PITPNM2: variants seen among roughly 807,000 people sequenced by gnomAD.
PITPNM2 encodes the protein membrane-associated phosphatidylinositol transfer protein 2.
PITPNM2 carries 35 observed loss-of-function variants against 132.2 expected under a neutral mutation model. That is an observed-to-expected ratio of 0.26 (90% CI 0.20 to 0.35). The LOEUF is 0.35. Ranked by LOEUF, PITPNM2 falls within the 10% of genes least tolerant of loss-of-function variation. PITPNM2 has a pLI of 1.00. For synonymous variants in PITPNM2, 738 were observed against 799.2 expected (o/e 0.92, Z 1.29); for missense variants, 1,332 against 1,912.0 (o/e 0.70, Z 5.66).
chr12:122,992,111 A>AT lies in PITPNM2; in HGVS notation c.2404+387dup, dbSNP rs2038215992. On this transcript the variant is annotated intron_variant, in intron 16 of 25. Coordinates refer to ENST00000320201, the MANE Select transcript of PITPNM2 (RefSeq NM_020845.3). This position sits in a 1 kb window ranked among gnomAD's most constrained non-coding sequence, Gnocchi z 6.5. ...CCTATCTCGGGGCCAGCCGCCTGCC[A>AT]TGATGGGACCCAGCCGACCCAGGCC... Among the ~76,000 whole-genome samples the AT allele has an allele frequency of 6.6e-6, 1 of 151,890 alleles. No homozygotes were observed. Among genetic ancestry groups the AT allele is most frequent in the Non-Finnish European group, 1.5e-5 (1 of 67,958 alleles).
chr12:123,098,403 C>T (rs181247173), intron 2 of PITPNM2, among the ~76,000 whole-genome samples: 1 of 152,168 alleles, frequency 6.6e-6, no homozygotes, highest in East Asian at 1.9e-4. Flanking sequence ...GGCAGCAGTA[C>T]GAGATAAGAA....
chr12:123,011,486 G>A (rs1386262274), intron 5 of PITPNM2, among the ~76,000 whole-genome samples: 1 of 152,236 alleles, frequency 6.6e-6, no homozygotes, highest in East Asian at 1.9e-4. Context: ...CCTGCTATGG[G>A]AAGAGCTATG....
chr12:123,035,641 G>C (rs1184128005), intron 2 of PITPNM2, among the ~76,000 whole-genome samples: 1 of 151,818 alleles, frequency 6.6e-6, no homozygotes, highest in Non-Finnish European at 1.5e-5. Flanking sequence ...ACTCCAGCCT[G>C]GGGGACAAGA....
At chr12:123,013,798 G>A (rs1204375590) in intron 4 of PITPNM2, 30 bp downstream of exon 4, 5 of 1,602,468 alleles carry the variant, frequency 3.1e-6, no homozygotes, top group South Asian at 2.2e-5. Flanking sequence ...TGTGGAGGTG[G>A]GAGGCACATG....
rs1211338303 is a variant in PITPNM2, at chr12:123,034,610, C to T, written c.-20G>A. On this transcript the variant is annotated 5_prime_UTR_variant, in exon 3 of 26. Coordinates refer to ENST00000320201, the MANE Select transcript of PITPNM2 (RefSeq NM_020845.3). ...AATCATCTTGGAGTCCAAGCCTTCC[C>T]GTCGATGGGGAACTGCAAGTTGGGA... 3.7e-6 allele frequency: 6 copies of T among 1,611,264 alleles called. No individual in the cohort carries two copies. Among genetic ancestry groups the T allele is most frequent in the East Asian group, 4.5e-5 (2 of 44,880 alleles).
At chr12:123,024,190 A>G (rs1341768392) in intron 3 of PITPNM2, among the ~76,000 whole-genome samples, 1 of 152,260 alleles carries the variant, frequency 6.6e-6, no homozygotes, top group Non-Finnish European at 1.5e-5. Flanking sequence ...GCTCAACATC[A>G]TTTGTCATTA....
At chr12:123,075,309 T>G (rs1391650962) in intron 2 of PITPNM2, among the ~76,000 whole-genome samples, 1 of 152,226 alleles carries the variant, frequency 6.6e-6, no homozygotes, top group Non-Finnish European at 1.5e-5. Context: ...ACAGACTTTT[T>G]CAAAGCTAGG....
intron 1 of PITPNM2, among the ~76,000 whole-genome samples, chr12:123,110,696 C>A (rs1392841990): frequency 1.3e-5 from 2 of 152,108 alleles, no homozygotes; most frequent in African/African-American, 4.8e-5. Context: ...ACAGATACAC[C>A]CCAACATTGC....
chr12:123,030,530 A>G (rs947379103), intron 3 of PITPNM2, among the ~76,000 whole-genome samples: 2 of 152,088 alleles, frequency 1.3e-5, no homozygotes, highest in Non-Finnish European at 2.9e-5. Context: ...CGTCTCTACT[A>G]AAAATACAAA....
Position 123,117,734 on chromosome 12 carries a change from A to G in PITPNM2, c.-199-7246T>C, listed in dbSNP as rs1444512723. ...CCCTGCTCTGCTCTCTGTGCCCTTC[A>G]TGGATTTGTTCATTCATTGTTCAAT... On this transcript the variant is annotated intron_variant, in intron 1 of 25. Coordinates refer to ENST00000320201, the MANE Select transcript of PITPNM2 (RefSeq NM_020845.3). This position sits in a 1 kb window ranked among gnomAD's most constrained non-coding sequence, Gnocchi z 4.7. Among the ~76,000 whole-genome samples, 1 of 152,154 alleles carries G rather than the reference A, an allele frequency of 6.6e-6. No individual in the cohort carries two copies. Among genetic ancestry groups the G allele is most frequent in the Non-Finnish European group, 1.5e-5 (1 of 68,020 alleles).
chr12:123,068,194 A>ACGGCCGGGCACGGCCGGGTG (rs141138502), intron 2 of PITPNM2, among the ~76,000 whole-genome samples: 2 of 151,630 alleles, frequency 1.3e-5, no homozygotes, highest in Non-Finnish European at 2.9e-5. Context: ...ACGGCCGGGC[A>ACGGCCGGGCACGGCCGGGTG]CGGTGGCTCA....
At position 123,099,262 on chromosome 12, in the gene PITPNM2, T is replaced by A. The variant is rs992627910; in HGVS notation, c.-96+11123A>T. 1.3e-5 allele frequency among the ~76,000 whole-genome samples: 2 copies of A among 152,116 alleles called. No homozygotes were observed. Among genetic ancestry groups the A allele is most frequent in the Admixed American group, 1.3e-4 (2 of 15,268 alleles). ...AAAAAAAAATATATATCTTTTTTTTTAAAGAATGAAACCTCATACCAGGAC... is the reference window on the plus strand; with the variant it reads ...AAAAAAAAATATATATCTTTTTTTTAAAAGAATGAAACCTCATACCAGGAC... On this transcript the variant is annotated intron_variant, in intron 2 of 25. Transcript: ENST00000320201. This position sits in a 1 kb window ranked among gnomAD's most constrained non-coding sequence, Gnocchi z 4.2.
intron 1 of PITPNM2, among the ~76,000 whole-genome samples, chr12:123,149,446 C>A (rs1365274273): frequency 2.0e-5 from 3 of 152,144 alleles, no homozygotes; most frequent in Non-Finnish European, 4.4e-5. Flanking sequence ...ACAGTCCCTT[C>A]ATGGAAGGAA....
At chr12:123,151,840 T>TC (rs2043770533), upstream of PITPNM2, among the ~76,000 whole-genome samples, 1 of 152,144 alleles carries the variant, frequency 6.6e-6, no homozygotes, top group South Asian at 2.1e-4. Flanking sequence ...ACCTAAAACT[T>TC]AGTGATGTGT....
intron 1 of PITPNM2, among the ~76,000 whole-genome samples, chr12:123,145,070 A>G (rs1449846412): frequency 6.6e-6 from 1 of 152,094 alleles, no homozygotes; most frequent in Non-Finnish European, 1.5e-5. Context: ...CCAGCTACTC[A>G]GGAGGCTGAG....
chr12:122,991,052 C>G (rs907957788), intron 16 of PITPNM2, among the ~76,000 whole-genome samples: 1 of 152,240 alleles, frequency 6.6e-6, no homozygotes, highest in African/African-American at 2.4e-5. Context: ...CCTGGCCTGA[C>G]CTGACCCACA....
At chr12:123,071,546 C>T (rs1301551381) in intron 2 of PITPNM2, among the ~76,000 whole-genome samples, 2 of 152,214 alleles carry the variant, frequency 1.3e-5, no homozygotes, top group Non-Finnish European at 2.9e-5. Context: ...TGACAGAAAG[C>T]TCTGCTGGCT....
In PITPNM2 at chr12:123,082,267, C is replaced by A. The variant is rs868508278; in HGVS notation, c.-96+28118G>T. 1.3e-5 allele frequency among the ~76,000 whole-genome samples: 2 copies of A among 152,346 alleles called. No homozygotes were observed. Among genetic ancestry groups the A allele is most frequent in the Middle Eastern group, 3.4e-3 (1 of 294 alleles). On this transcript the variant is annotated intron_variant, in intron 2 of 25. Coordinates refer to ENST00000320201, the MANE Select transcript of PITPNM2 (RefSeq NM_020845.3). This position sits in a 1 kb window ranked among gnomAD's most constrained non-coding sequence, Gnocchi z 5.4. Reference sequence around the variant, plus strand: ...GCTCAAGGGCCCCTTCTCACTAAGGCCTTCCTTGACACCCTGATGTAAAAC... The same window carrying A: ...GCTCAAGGGCCCCTTCTCACTAAGGACTTCCTTGACACCCTGATGTAAAAC...
chr12:123,056,956 G>A (rs1409906027), intron 2 of PITPNM2, among the ~76,000 whole-genome samples: 17 of 152,218 alleles, frequency 1.1e-4, no homozygotes, highest in Non-Finnish European at 5.9e-5. Context: ...CCGATCTGCT[G>A]CTCAGCCTTG....
Sources: gnomAD v4.1 joint callset for allele counts (sites outside exome capture counted in the v4.1 genomes callset) on GRCh38, gnomAD v4.1.1 for gene constraint, Gnocchi (gnomAD v3.1) non-coding constraint, MANE v1.5 for transcripts, NCBI Gene and HGNC (gene_info 2026-07-23, HGNC 2026-07-21) for gene names.